SLC20A2: variants seen among roughly 807,000 people sequenced by gnomAD.
SLC20A2 encodes the protein solute carrier family 20 member 2, also known as sodium-dependent phosphate transporter 2.
In SLC20A2, 30 loss-of-function variants were observed where a neutral mutation model predicts 61.0. The ratio of observed to expected loss-of-function variants is 0.49; its 90% CI spans 0.37 to 0.67. SLC20A2 has a LOEUF of 0.67. Among genes scored for constraint, SLC20A2 ranks in the 30% least tolerant of loss-of-function variants. SLC20A2 has a pLI of 0.00. For synonymous variants in SLC20A2, 351 were observed against 353.3 expected (o/e 0.99, Z 0.07); for missense variants, 626 against 866.4 (o/e 0.72, Z 3.48).
intron 1 of SLC20A2, chr8:42,484,706 G>A: frequency 2.6e-6 from 1 of 386,096 alleles, no homozygotes; most frequent in South Asian, 2.3e-5. Flanking sequence ...GTGTGGGTGG[G>A]TGTGGTCTAT....
chr8:42,441,113 T>C (rs1804743860), intron 6 of SLC20A2, among the ~76,000 whole-genome samples: 1 of 151,416 alleles, frequency 6.6e-6, no homozygotes, highest in South Asian at 2.1e-4. Flanking sequence ...CTATCTTCTT[T>C]GGTGAAGTGT....
chr8:42,531,687 C>T (rs927953437), intron 1 of SLC20A2, among the ~76,000 whole-genome samples: 6 of 151,934 alleles, frequency 3.9e-5, no homozygotes, highest in Middle Eastern at 3.4e-3. Flanking sequence ...ACACAAGAAA[C>T]GAAAAGGGTT....
intron 8 of SLC20A2, 41 bp downstream of exon 8, chr8:42,436,948 C>G (rs146230305): frequency 1.3e-6 from 2 of 1,534,586 alleles, no homozygotes. Flanking sequence ...CCTGGCGGAG[C>G]CTCAAGGACC....
rs113994445 is a variant in SLC20A2 at position 42,441,881 on chromosome 8, G to A, written c.731-2228C>T. 2.8e-3 allele frequency among the ~76,000 whole-genome samples: 423 copies of A among 151,644 alleles called. 20 individuals are homozygous for A. Among genetic ancestry groups the A allele is most frequent in the African/African-American group, 9.4e-3 (387 of 41,200 alleles). ...AAACATTTTTTCCCATTCTGTTCCC[G>A]GTGCTTCTCACAGAGCAATAGTTTG... On this transcript the variant is annotated intron_variant, in intron 6 of 10. Transcript: ENST00000520262.
At chr8:42,441,199 C>A (rs1245989307) in intron 6 of SLC20A2, among the ~76,000 whole-genome samples, 3 of 143,668 alleles carry the variant, frequency 2.1e-5, no homozygotes, top group East Asian at 2.1e-4. Context: ...GGCTAGAGTG[C>A]GCTGGAGTGC....
chr8:42,507,198 T>A (rs1182158175), intron 1 of SLC20A2, among the ~76,000 whole-genome samples: 2 of 152,196 alleles, frequency 1.3e-5, no homozygotes, highest in Non-Finnish European at 2.9e-5. Context: ...TATCAGGTGG[T>A]TTGTTATGCA....
chr8:42,429,661 A>G (rs947562524), intron 9 of SLC20A2, among the ~76,000 whole-genome samples: 1 of 152,172 alleles, frequency 6.6e-6, no homozygotes, highest in African/African-American at 2.4e-5. Context: ...AAGTAACCCC[A>G]GCAGGGTGGT....
chr8:42,511,033 C>T (rs903028866), intron 1 of SLC20A2, among the ~76,000 whole-genome samples: 11 of 152,100 alleles, frequency 7.2e-5, no homozygotes, highest in Non-Finnish European at 1.6e-4. Flanking sequence ...CCCCTTGCTA[C>T]CTATTTCAGG....
chr8:42,494,310 G>A (rs13267690), intron 1 of SLC20A2, among the ~76,000 whole-genome samples: 8,496 of 152,132 alleles, frequency 0.056, 296 homozygotes, highest in Middle Eastern at 0.14. Context: ...CAACTGAGAG[G>A]CCACTGCCAA....
chr8:42,474,139 C>G lies in SLC20A2; in HGVS notation c.-264-1485G>C, dbSNP rs1173153825. The stretch of plus-strand genomic sequence containing the variant: ...TGAGCCAAGATCATGCCACTGCACT[C>G]CAGCCTGGGCGACACAGCGAGACTC... On this transcript the variant is annotated intron_variant, in intron 1 of 10. Coordinates refer to ENST00000520262, the MANE Select transcript of SLC20A2 (RefSeq NM_001257180.2). 2.6e-5 allele frequency among the ~76,000 whole-genome samples: 4 copies of G among 151,918 alleles called. No homozygotes were observed. The East Asian group carries it at 5.8e-4, about 22-fold the overall frequency.
intron 1 of SLC20A2, among the ~76,000 whole-genome samples, chr8:42,540,712 T>C (rs1813052863): frequency 1.3e-5 from 2 of 152,240 alleles, no homozygotes; most frequent in African/African-American, 4.8e-5. Context: ...CAGCTGGTCC[T>C]AGAGAACTTA....
At chr8:42,506,069 C>T (rs7837280), upstream of SLC20A2, among the ~76,000 whole-genome samples, 77,070 of 151,754 alleles carry the variant, frequency 0.51, 19,599 homozygotes, top group African/African-American at 0.54. Flanking sequence ...GCCTCCTGAG[C>T]AGCTGGGATT....
intron 1 of SLC20A2, chr8:42,538,005 T>C (rs897479860): frequency 2.6e-5 from 4 of 152,160 alleles, no homozygotes; most frequent in African/African-American, 9.7e-5. Flanking sequence ...AATGAGGAAA[T>C]AATTGTACCT....
chr8:42,435,894 A>C (rs1324475101), intron 8 of SLC20A2, among the ~76,000 whole-genome samples: 1 of 152,072 alleles, frequency 6.6e-6, no homozygotes, highest in African/African-American at 2.4e-5. Flanking sequence ...AGGTGGGCGG[A>C]TCACCTGAGG....
At chr8:42,510,942 T>C (rs770642666) in intron 1 of SLC20A2, among the ~76,000 whole-genome samples, 1 of 152,044 alleles carries the variant, frequency 6.6e-6, no homozygotes, top group Non-Finnish European at 1.5e-5. Context: ...CTATATAAAG[T>C]AATGATGAAG....
chr8:42,472,020 C>T lies in SLC20A2; in HGVS notation c.289+82G>A, dbSNP rs995801705. On this transcript the variant is annotated intron_variant, in intron 2 of 10. Coordinates refer to ENST00000520262, the MANE Select transcript of SLC20A2 (RefSeq NM_001257180.2). This position sits in a 1 kb window ranked among gnomAD's most constrained non-coding sequence, Gnocchi z 4.1. Reference sequence around the variant, plus strand: ...TTTTGAAAAGCCAAAGCAAAAATCACATTTATGGATATGGGCAAAGTACTG... The same window carrying T: ...TTTTGAAAAGCCAAAGCAAAAATCATATTTATGGATATGGGCAAAGTACTG... The T allele has an allele frequency of 4.8e-5, 62 of 1,304,786 alleles. No homozygotes were observed. Among genetic ancestry groups the T allele is most frequent in the Admixed American group, 8.5e-5 (4 of 47,308 alleles). The allele number at this position is 1,304,786 out of a possible 1,614,324, so 80.8% of individuals were successfully genotyped here.
chr8:42,461,688 G>C (rs780977096), intron 4 of SLC20A2, among the ~76,000 whole-genome samples: 1 of 152,058 alleles, frequency 6.6e-6, no homozygotes. Flanking sequence ...CTGACCTCAA[G>C]TGATCCACCG....
At chr8:42,527,839 C>T (rs1261412475) in intron 1 of SLC20A2, among the ~76,000 whole-genome samples, 1 of 151,748 alleles carries the variant, frequency 6.6e-6, no homozygotes, top group Non-Finnish European at 1.5e-5. Flanking sequence ...AGAATAATGG[C>T]CAAAATATAA....
chr8:42,482,926 A>G (rs1307777554), intron 1 of SLC20A2, among the ~76,000 whole-genome samples: 1 of 151,962 alleles, frequency 6.6e-6, no homozygotes. Flanking sequence ...GGTCCCTGTA[A>G]TCCCAGCTAC....
Sources: gnomAD v4.1 joint callset for allele counts (sites outside exome capture counted in the v4.1 genomes callset) on GRCh38, gnomAD v4.1.1 for gene constraint, Gnocchi (gnomAD v3.1) non-coding constraint, MANE v1.5 for transcripts, NCBI Gene and HGNC (gene_info 2026-07-23, HGNC 2026-07-21) for gene names.